The following TEX11 variants were observed in gnomAD, a reference collection of about 807,000 sequenced individuals.
The protein encoded by TEX11 is testis expressed 11.
Under a neutral mutation model 84.4 loss-of-function variants are expected in TEX11, and 7 were observed. The observed-to-expected ratio is 0.08, with a 90% CI of 0.05 to 0.16. TEX11 has a LOEUF of 0.16. Among genes scored for constraint, TEX11 ranks in the 10% least tolerant of loss-of-function variants. The pLI, the probability that TEX11 is intolerant of heterozygous loss-of-function variation, is 1.00. For synonymous variants in TEX11, 264 were observed against 222.8 expected (o/e 1.18, Z -1.64); for missense variants, 551 against 660.5 (o/e 0.83, Z 1.82).
At chrX:70,748,948 A>T (rs1291042410) in intron 9 of TEX11, among the ~76,000 whole-genome samples, 9 of 106,217 alleles carry the variant, frequency 8.5e-5, no homozygotes, top group Admixed American at 6.3e-4. Flanking sequence ...TTTTTTCCAA[A>T]TCTGTGAAGA....
At chrX:70,714,379 G>T (rs1227899415) in intron 13 of TEX11, among the ~76,000 whole-genome samples, 1 of 111,213 alleles carries the variant, frequency 9.0e-6, no homozygotes, top group African/African-American at 3.3e-5. Flanking sequence ...TCTGTCTAAT[G>T]TTGACAGTGG....
At chrX:70,560,635 G>GTCCA (rs1276428298) in intron 25 of TEX11, among the ~76,000 whole-genome samples, 1 of 111,144 alleles carries the variant, frequency 9.0e-6, no homozygotes, top group African/African-American at 3.3e-5. Flanking sequence ...TTGTAATGAA[G>GTCCA]TCCACTTTAT....
chrX:70,558,922 G>T (rs1472597649), intron 25 of TEX11, among the ~76,000 whole-genome samples: 2 of 112,080 alleles, frequency 1.8e-5, no homozygotes, highest in Non-Finnish European at 3.8e-5. Flanking sequence ...TAATACAAGT[G>T]TTGAGAAGGA....
intron 24 of TEX11, among the ~76,000 whole-genome samples, chrX:70,597,951 G>A (rs2089030021): frequency 8.9e-6 from 1 of 111,874 alleles, no homozygotes; most frequent in Admixed American, 9.5e-5. Flanking sequence ...GAAGGCCGAG[G>A]TGGGGGGATC....
intron 7 of TEX11, among the ~76,000 whole-genome samples, chrX:70,842,849 A>G (rs2091455098): frequency 9.0e-6 from 1 of 111,539 alleles, no homozygotes; most frequent in South Asian, 3.8e-4. Context: ...CAGACAACAG[A>G]GCCAAATCAT....
chrX:70,671,910 T>TATATATATATATATAC (rs57166359), intron 15 of TEX11, among the ~76,000 whole-genome samples: 67 of 67,938 alleles, frequency 9.9e-4, no homozygotes, highest in Admixed American at 1.9e-3. Context: ...TATATATATA[T>TATATATATATATATAC]ACACACACAC....
chrX:70,861,045 T>C, intron 4 of TEX11, 109 bp from the exon 5 acceptor site: 1 of 407,598 alleles, frequency 2.5e-6, no homozygotes, highest in Non-Finnish European at 3.8e-6. Context: ...TTATTAAAAA[T>C]AAAAATTGTA....
intron 25 of TEX11, among the ~76,000 whole-genome samples, chrX:70,569,810 G>T (rs1316858964): frequency 2.7e-5 from 3 of 111,119 alleles, no homozygotes; most frequent in Admixed American, 9.5e-5. Flanking sequence ...GTGTCAGTCT[G>T]CCCCTACTGG....
At chrX:70,574,726 G>C in intron 25 of TEX11, among the ~76,000 whole-genome samples, 1 of 111,696 alleles carries the variant, frequency 9.0e-6, no homozygotes, top group East Asian at 2.8e-4. Context: ...TTCTATTTAG[G>C]GAGACAAACA....
chrX:70,708,784 C>T (rs940970105), intron 13 of TEX11, among the ~76,000 whole-genome samples: 10 of 109,961 alleles, frequency 9.1e-5, no homozygotes, highest in Admixed American at 4.9e-4. Context: ...TAATAGACAA[C>T]GGACTAGTAG....
chrX:70,649,170 A>G (rs1244713499), intron 17 of TEX11, among the ~76,000 whole-genome samples: 3 of 112,231 alleles, frequency 2.7e-5, no homozygotes, highest in Non-Finnish European at 5.6e-5. Context: ...TAGTGCTGCA[A>G]TGAACACACG....
At chrX:70,825,084 C>T (rs1047758775) in intron 8 of TEX11, among the ~76,000 whole-genome samples, 6 of 110,776 alleles carry the variant, frequency 5.4e-5, no homozygotes, top group African/African-American at 1.6e-4. Flanking sequence ...GAGGCGGAGG[C>T]GGGCAGATCA....
chrX:70,566,995 G>A, intron 25 of TEX11, among the ~76,000 whole-genome samples: 1 of 111,517 alleles, frequency 9.0e-6, no homozygotes, highest in Non-Finnish European at 1.9e-5. Flanking sequence ...GTTCCTCCTT[G>A]TACCTCTGGT....
chrX:70,584,698 T>C (rs1569341215), intron 25 of TEX11, among the ~76,000 whole-genome samples: 2 of 111,861 alleles, frequency 1.8e-5, no homozygotes, highest in Non-Finnish European at 3.8e-5. Flanking sequence ...GATTATACAA[T>C]CTGATTAGGT....
intron 25 of TEX11, among the ~76,000 whole-genome samples, chrX:70,564,719 A>T (rs1294709580): frequency 9.3e-6 from 1 of 108,079 alleles, no homozygotes; most frequent in Non-Finnish European, 1.9e-5. Flanking sequence ...CCATGTCCCT[A>T]CAAAGGACAT....
At chrX:70,677,866 T>C (rs1397295470) in intron 15 of TEX11, among the ~76,000 whole-genome samples, 1 of 92,479 alleles carries the variant, frequency 1.1e-5, no homozygotes, top group Non-Finnish European at 2.1e-5. Flanking sequence ...CAGGCTGGAG[T>C]GCAGTGGCGC....
chrX:70,749,274 A>G (rs1247272226), intron 9 of TEX11, among the ~76,000 whole-genome samples: 9 of 106,571 alleles, frequency 8.4e-5, no homozygotes, highest in East Asian at 3.1e-4. Flanking sequence ...TTGATTTTGT[A>G]TCCTGAGACT....
chrX:70,860,465 T>C (rs2091562743), intron 5 of TEX11, among the ~76,000 whole-genome samples: 1 of 111,795 alleles, frequency 8.9e-6, no homozygotes, highest in Non-Finnish European at 1.9e-5. Flanking sequence ...ACCTAGGTCT[T>C]GAGACTTCAA....
intron 13 of TEX11, among the ~76,000 whole-genome samples, chrX:70,712,553 C>T (rs1412327718): frequency 4.5e-4 from 50 of 111,049 alleles, no homozygotes; most frequent in African/African-American, 1.1e-3. Context: ...TTTGAAGCAA[C>T]TGTGAATGGG....
Sources: allele counts gnomAD v4.1 joint callset (sites outside exome capture counted in the v4.1 genomes callset), GRCh38; gene constraint gnomAD v4.1.1; transcripts MANE v1.5; gene names NCBI Gene and HGNC (gene_info 2026-07-23, HGNC 2026-07-21).